The following DIP2C variants were observed in gnomAD, a reference collection of about 807,000 sequenced individuals.
DIP2C encodes DIP2 acetate--CoA ligase C (putative), also known as disco-interacting protein 2 homolog C.
DIP2C carries 33 observed loss-of-function variants against 192.4 expected under a neutral mutation model. That is an observed-to-expected ratio of 0.17 (90% CI 0.13 to 0.23). The LOEUF (loss-of-function observed/expected upper bound fraction) is 0.23, where lower values mean the gene tolerates loss of function less well. DIP2C is among the 10% of genes least tolerant of loss of function. The probability of loss-of-function intolerance (pLI) is 1.00; values close to 1 mark genes in which losing one functional copy is unlikely to be tolerated. For synonymous variants in DIP2C, 979 were observed against 864.1 expected (o/e 1.13, Z -2.33); for missense variants, 1,537 against 2,110.1 (o/e 0.73, Z 5.32).
At chr10:584,763 A>G (rs12414216) in intron 1 of DIP2C, among the ~76,000 whole-genome samples, 8 of 90,358 alleles carry the variant, frequency 8.9e-5, no homozygotes, top group South Asian at 5.1e-4. Flanking sequence ...CTCGGGGCCC[A>G]CAACCTGGCC....
intron 1 of DIP2C, among the ~76,000 whole-genome samples, chr10:548,021 A>G (rs900022399): frequency 1.3e-5 from 2 of 152,076 alleles, no homozygotes; most frequent in Non-Finnish European, 2.9e-5. Flanking sequence ...CACAACTGTC[A>G]CATGTAAAAG....
intron 32 of DIP2C, among the ~76,000 whole-genome samples, chr10:301,142 G>A (rs993499974): frequency 1.3e-5 from 2 of 152,146 alleles, no homozygotes; most frequent in Non-Finnish European, 1.5e-5. Context: ...GGGAACCGTG[G>A]AGACATGGGG....
intron 10 of DIP2C, among the ~76,000 whole-genome samples, chr10:397,591 G>C (rs1964096733): frequency 6.6e-6 from 1 of 151,334 alleles, no homozygotes; most frequent in African/African-American, 2.4e-5. Context: ...CAGGCACATT[G>C]CAGGTTCAGA....
At chr10:420,475 G>C (rs911025268) in intron 5 of DIP2C, among the ~76,000 whole-genome samples, 2 of 152,240 alleles carry the variant, frequency 1.3e-5, no homozygotes, top group Non-Finnish European at 2.9e-5. Flanking sequence ...CCTGGAGGCA[G>C]GCAGGCCCGA....
intron 3 of DIP2C, among the ~76,000 whole-genome samples, chr10:467,704 C>A (rs1286046128): frequency 6.6e-6 from 1 of 151,792 alleles, no homozygotes; most frequent in African/African-American, 2.4e-5. Context: ...AACACCAGAA[C>A]AGAAAACTAA....
chr10:372,261 G>T (rs1015346383), intron 17 of DIP2C, among the ~76,000 whole-genome samples: 1 of 152,090 alleles, frequency 6.6e-6, no homozygotes, highest in Non-Finnish European at 1.5e-5. Context: ...TATTAGTAGA[G>T]ACGGGGTTTC....
At chr10:412,537 T>A (rs4554800) in intron 8 of DIP2C, among the ~76,000 whole-genome samples, 5 of 152,138 alleles carry the variant, frequency 3.3e-5, no homozygotes, top group Non-Finnish European at 7.4e-5. Context: ...TGCCACACAC[T>A]GTCCATTTAA....
At chr10:450,119 T>A (rs1380336567) in intron 3 of DIP2C, among the ~76,000 whole-genome samples, 2 of 152,222 alleles carry the variant, frequency 1.3e-5, no homozygotes, top group East Asian at 3.9e-4. Context: ...CCACTCCATG[T>A]TGCATTTGAA....
At chr10:632,191 G>T (rs1047139129) in intron 1 of DIP2C, among the ~76,000 whole-genome samples, 2 of 152,266 alleles carry the variant, frequency 1.3e-5, no homozygotes, top group Non-Finnish European at 2.9e-5. Context: ...TGTGAAGAGA[G>T]AAACAGTTAA....
intron 2 of DIP2C, among the ~76,000 whole-genome samples, chr10:480,145 A>G (rs1360189383): frequency 0.011 from 783 of 71,444 alleles, no homozygotes; most frequent in Middle Eastern, 0.054. Context: ...CCCGGTCCAT[A>G]CTCACTGGAT....
intron 1 of DIP2C, among the ~76,000 whole-genome samples, chr10:521,066 CT>C (rs1564815194): frequency 6.6e-6 from 1 of 152,172 alleles, no homozygotes; most frequent in African/African-American, 2.4e-5. Flanking sequence ...AAATCCTGGA[CT>C]TTTGGATATT....
intron 3 of DIP2C, among the ~76,000 whole-genome samples, chr10:461,297 G>T (rs1258562805): frequency 6.6e-6 from 1 of 152,186 alleles, no homozygotes; most frequent in Non-Finnish European, 1.5e-5. Flanking sequence ...CTGTATTCAG[G>T]AGACCTATCT....
At chr10:306,000 T>A (rs139097714) in intron 32 of DIP2C, among the ~76,000 whole-genome samples, 3,064 of 150,510 alleles carry the variant, frequency 0.02, 88 homozygotes, top group African/African-American at 0.065. Context: ...TATATTATAT[T>A]TTTTTCCTAT....
At chr10:437,669 T>A (rs1376357807) in intron 4 of DIP2C, 3 of 152,254 alleles carry the variant, frequency 2.0e-5, no homozygotes, top group Non-Finnish European at 2.9e-5. Flanking sequence ...GGGTCCCTGT[T>A]ATCTCATCAT....
At chr10:608,880 T>C (rs765008834) in intron 1 of DIP2C, among the ~76,000 whole-genome samples, 3 of 151,472 alleles carry the variant, frequency 2.0e-5, no homozygotes, top group Admixed American at 6.6e-5. Flanking sequence ...AGATCTTGTA[T>C]AGAAATATAC....
intron 10 of DIP2C, among the ~76,000 whole-genome samples, chr10:393,293 T>C (rs1963645436): frequency 6.6e-6 from 1 of 152,200 alleles, no homozygotes. Context: ...ACTACACGAA[T>C]ATGCTCATCT....
chr10:543,546 A>AC (rs1223755025), intron 1 of DIP2C, among the ~76,000 whole-genome samples: 1 of 152,232 alleles, frequency 6.6e-6, no homozygotes, highest in Non-Finnish European at 1.5e-5. Context: ...TACGGTTGTT[A>AC]CGTGAGATAG....
At chr10:504,952 T>C (rs1845490013) in intron 1 of DIP2C, among the ~76,000 whole-genome samples, 1 of 152,190 alleles carries the variant, frequency 6.6e-6, no homozygotes, top group Admixed American at 6.5e-5. Context: ...TATGAGCTCA[T>C]GTGACTCTCA....
chr10:401,490 A>G (rs1964446005), intron 9 of DIP2C, among the ~76,000 whole-genome samples: 1 of 149,376 alleles, frequency 6.7e-6, no homozygotes, highest in African/African-American at 2.5e-5. Context: ...TCATCAGCAC[A>G]TGAATCCTGT....
Sources: gnomAD v4.1 joint callset for allele counts (sites outside exome capture counted in the v4.1 genomes callset) on GRCh38, gnomAD v4.1.1 for gene constraint, MANE v1.5 for transcripts, NCBI Gene and HGNC (gene_info 2026-07-23, HGNC 2026-07-21) for gene names.